Variants in PDE3B observed in about 807,000 individuals in gnomAD.
The protein encoded by PDE3B is cGMP-inhibited 3',5'-cyclic phosphodiesterase 3B.
In PDE3B, 66 loss-of-function variants were observed where a neutral mutation model predicts 116.8. The ratio of observed to expected loss-of-function variants is 0.56; its 90% CI spans 0.46 to 0.69. The LOEUF (loss-of-function observed/expected upper bound fraction) is 0.69, where lower values mean the gene tolerates loss of function less well. PDE3B is among the 30% of genes least tolerant of loss of function. The probability of loss-of-function intolerance (pLI) is 0.00; values close to 1 mark genes in which losing one functional copy is unlikely to be tolerated. For synonymous variants in PDE3B, 595 were observed against 533.6 expected, an observed-to-expected ratio of 1.12 and a Z score of -1.59; for missense variants, 1,384 against 1,368.1, an observed-to-expected ratio of 1.01 and a Z score of -0.18.
chr11:14,738,298 A>C (rs1363162583), intron 1 of PDE3B, among the ~76,000 whole-genome samples: 1 of 152,164 alleles, frequency 6.6e-6, no homozygotes, highest in African/African-American at 2.4e-5. Context: ...CTGACTTTTT[A>C]GTGATCGCCA....
At chr11:14,872,281 T>G (rs568668705), downstream of PDE3B, among the ~76,000 whole-genome samples, 1 of 152,260 alleles carries the variant, frequency 6.6e-6, no homozygotes, top group South Asian at 2.1e-4. Context: ...TGCTCTAGAG[T>G]GTGTAGGGGA....
the PDE3B span, among the ~76,000 whole-genome samples, chr11:14,889,441 A>T: frequency 6.6e-6 from 1 of 152,340 alleles, no homozygotes; most frequent in Admixed American, 6.5e-5. Context: ...TAGAGTTAAT[A>T]TGTTTGGTGG....
At chr11:14,663,601 A>G (rs1444253293) in intron 1 of PDE3B, among the ~76,000 whole-genome samples, 2 of 152,242 alleles carry the variant, frequency 1.3e-5, no homozygotes, top group African/African-American at 2.4e-5. Flanking sequence ...GAAAACAAAA[A>G]AAGGCAGGGG....
chr11:14,844,355 G>A (rs919292595), intron 12 of PDE3B, among the ~76,000 whole-genome samples: 1 of 152,192 alleles, frequency 6.6e-6, no homozygotes, highest in Non-Finnish European at 1.5e-5. Context: ...TTCCGCTGGA[G>A]CCAAGATGGC....
intron 14 of PDE3B, among the ~76,000 whole-genome samples, chr11:14,863,914 C>T (rs1847995347): frequency 2.6e-5 from 4 of 152,160 alleles, no homozygotes; most frequent in Non-Finnish European, 4.4e-5. Context: ...CAAAATTAAC[C>T]TGCTAGCATC....
At chr11:14,873,137 C>T (rs1192059193), downstream of PDE3B, among the ~76,000 whole-genome samples, 2 of 152,164 alleles carry the variant, frequency 1.3e-5, no homozygotes, top group Non-Finnish European at 2.9e-5. Context: ...AGGAAGTCCC[C>T]TCTGCTTTAA....
At chr11:14,732,129 G>A (rs979202084) in intron 1 of PDE3B, among the ~76,000 whole-genome samples, 19 of 152,122 alleles carry the variant, frequency 1.2e-4, no homozygotes, top group African/African-American at 4.3e-4. Context: ...AGAGAAGAGC[G>A]AAAGTCCAAG....
chr11:14,799,056 C>T (rs1233991503), intron 4 of PDE3B, among the ~76,000 whole-genome samples: 3 of 152,174 alleles, frequency 2.0e-5, no homozygotes, highest in Non-Finnish European at 4.4e-5. Flanking sequence ...CCTGCTTTCT[C>T]TTATGGGCAT....
At chr11:14,888,058 CTTCA>C in the PDE3B span, among the ~76,000 whole-genome samples, 1 of 152,160 alleles carries the variant, frequency 6.6e-6, no homozygotes, top group Non-Finnish European at 1.5e-5. Context: ...TAGCTTGCTC[CTTCA>C]TTTCCTTTGT....
chr11:14,748,868 C>T (rs1283252136), intron 1 of PDE3B, among the ~76,000 whole-genome samples: 1 of 150,538 alleles, frequency 6.6e-6, no homozygotes, highest in African/African-American at 2.4e-5. Context: ...AAGGAGTGGT[C>T]TATAGCCTTT....
chr11:14,836,280 C>T (rs2091893700), intron 11 of PDE3B, among the ~76,000 whole-genome samples: 1 of 152,048 alleles, frequency 6.6e-6, no homozygotes, highest in Non-Finnish European at 1.5e-5. Context: ...GTGACTTTCA[C>T]AGTTTTTGCT....
At chr11:14,666,328 C>A (rs1229974983) in intron 1 of PDE3B, among the ~76,000 whole-genome samples, 1 of 151,028 alleles carries the variant, frequency 6.6e-6, no homozygotes, top group Non-Finnish European at 1.5e-5. Flanking sequence ...ACCATAAAAA[C>A]CCTAGAAGAA....
intron 4 of PDE3B, among the ~76,000 whole-genome samples, chr11:14,796,352 A>G (rs969232421): frequency 1.3e-5 from 2 of 152,214 alleles, no homozygotes; most frequent in African/African-American, 4.8e-5. Flanking sequence ...TGTTTTTATA[A>G]TAGAATGCTT....
At chr11:14,812,948 C>T (rs1565148869) in intron 5 of PDE3B, among the ~76,000 whole-genome samples, 1 of 152,134 alleles carries the variant, frequency 6.6e-6, no homozygotes, top group East Asian at 1.9e-4. Context: ...GGGATGAGTG[C>T]CTTATAAAAG....
rs188041304 is a variant in PDE3B at position 14,797,794 on chromosome 11, T to C, written c.1416-6150T>C. 5.3e-5 allele frequency among the ~76,000 whole-genome samples: 8 copies of C among 152,316 alleles called. No homozygotes were observed. In the East Asian group the frequency reaches 1.3e-3, roughly 26 times the overall value. The stretch of plus-strand genomic sequence containing the variant: ...ATATTGATTTTTTATCCTGACACTT[T>C]TCTGAAGTTGCTTATCAGCTTAAGG... On this transcript the variant is annotated intron_variant, in intron 4 of 15. Transcript: ENST00000282096.
At chr11:14,683,727 CT>C (rs1210138169) in intron 1 of PDE3B, among the ~76,000 whole-genome samples, 9 of 151,548 alleles carry the variant, frequency 5.9e-5, no homozygotes, top group Admixed American at 5.3e-4. Context: ...TTATTTTGTT[CT>C]TCTTTTCCTA....
chr11:14,695,218 C>T (rs1855168776), intron 1 of PDE3B, among the ~76,000 whole-genome samples: 1 of 152,080 alleles, frequency 6.6e-6, no homozygotes, highest in South Asian at 2.1e-4. Flanking sequence ...TCTTTTTTAT[C>T]TGGCTTCATT....
chr11:14,660,429 G>A (rs1565077249), intron 1 of PDE3B, among the ~76,000 whole-genome samples: 2 of 151,634 alleles, frequency 1.3e-5, no homozygotes, highest in Admixed American at 6.6e-5. Context: ...AGCCTCTGGA[G>A]TAGCTGGGGC....
intron 1 of PDE3B, among the ~76,000 whole-genome samples, chr11:14,716,496 A>G (rs964295634): frequency 1.1e-4 from 16 of 149,702 alleles, no homozygotes; most frequent in African/African-American, 3.9e-4. Context: ...GACAGCAGGA[A>G]CCTCTGCAGA....
Sources: gnomAD v4.1 joint callset for allele counts (sites outside exome capture counted in the v4.1 genomes callset) on GRCh38, gnomAD v4.1.1 for gene constraint, MANE v1.5 for transcripts, NCBI Gene and HGNC (gene_info 2026-07-23, HGNC 2026-07-21) for gene names.